Variants in ST18 observed in about 807,000 individuals in gnomAD.
ST18 encodes the protein suppression of tumorigenicity 18 protein.
A neutral mutation model predicts 110.0 loss-of-function variants in ST18; 50 were observed. The observed-to-expected ratio is 0.45, with a 90% CI of 0.36 to 0.58. The LOEUF is 0.58. Ranked by LOEUF, ST18 falls within the 20% of genes least tolerant of loss-of-function variation. The pLI, the probability that ST18 is intolerant of heterozygous loss-of-function variation, is 0.00. For synonymous variants in ST18, 461 were observed against 452.4 expected (o/e 1.02, Z -0.24); for missense variants, 1,306 against 1,280.1 (o/e 1.02, Z -0.31).
At chr8:52,217,288 T>C (rs560123018) in intron 6 of ST18, among the ~76,000 whole-genome samples, 2 of 152,236 alleles carry the variant, frequency 1.3e-5, no homozygotes, top group East Asian at 3.9e-4. Context: ...CTAAAATGGG[T>C]TCCTCCTGGC....
At chr8:52,209,788 AAT>A (rs55960327) in intron 8 of ST18, among the ~76,000 whole-genome samples, 7,314 of 105,482 alleles carry the variant, frequency 0.069, 454 homozygotes, top group East Asian at 0.098. Context: ...AAAAAAAAAA[AAT>A]ATATATATAT....
intron 8 of ST18, among the ~76,000 whole-genome samples, chr8:52,211,380 T>A (rs1241623786): frequency 3.7e-5 from 3 of 80,802 alleles, no homozygotes; most frequent in African/African-American, 1.5e-4. Flanking sequence ...ATCATCTAAT[T>A]ATTATTATTA....
At chr8:52,276,767 CTTTT>C (rs112922704) in intron 2 of ST18, among the ~76,000 whole-genome samples, 1 of 140,704 alleles carries the variant, frequency 7.1e-6, no homozygotes. Context: ...CCTATAAAAT[CTTTT>C]TTTTTTTTTT....
At chr8:52,186,431 G>T (rs567529307) in intron 8 of ST18, among the ~76,000 whole-genome samples, 138 of 152,278 alleles carry the variant, frequency 9.1e-4, no homozygotes, top group Non-Finnish European at 1.7e-3. Flanking sequence ...TGTCGGTGAG[G>T]ATCTCAGGCA....
intron 2 of ST18, among the ~76,000 whole-genome samples, chr8:52,377,056 C>T (rs1166217233): frequency 3.9e-5 from 6 of 152,156 alleles, no homozygotes; most frequent in Admixed American, 1.3e-4. Flanking sequence ...ATGCCACATA[C>T]ACTCAAAGGT....
chr8:52,301,377 G>A (rs2095718852), intron 2 of ST18, among the ~76,000 whole-genome samples: 1 of 152,118 alleles, frequency 6.6e-6, no homozygotes, highest in Non-Finnish European at 1.5e-5. Flanking sequence ...CTATAAACAA[G>A]TACTATCTTC....
chr8:52,242,034 T>G (rs1371399245), intron 2 of ST18, among the ~76,000 whole-genome samples: 1 of 152,218 alleles, frequency 6.6e-6, no homozygotes, highest in Non-Finnish European at 1.5e-5. Flanking sequence ...GTTTCTCTTC[T>G]AAGTGATTTT....
intron 8 of ST18, among the ~76,000 whole-genome samples, chr8:52,193,788 G>C (rs2075325657): frequency 1.3e-5 from 2 of 152,188 alleles, no homozygotes; most frequent in African/African-American, 2.4e-5. Context: ...TGCTCATTCT[G>C]TAAGGATAAT....
At chr8:52,344,952 A>G (rs1346276440) in intron 2 of ST18, among the ~76,000 whole-genome samples, 4 of 152,114 alleles carry the variant, frequency 2.6e-5, no homozygotes, top group Non-Finnish European at 5.9e-5. Context: ...CCATTGTATA[A>G]AGAAGAAACC....
At chr8:52,286,992 A>G (rs1006664825) in intron 2 of ST18, among the ~76,000 whole-genome samples, 1 of 152,010 alleles carries the variant, frequency 6.6e-6, no homozygotes, top group South Asian at 2.1e-4. Flanking sequence ...TAAAGAAAAT[A>G]AAAAAAACTG....
intron 2 of ST18, among the ~76,000 whole-genome samples, chr8:52,307,691 T>A (rs1489076671): frequency 2.0e-5 from 3 of 152,228 alleles, no homozygotes; most frequent in Non-Finnish European, 4.4e-5. Flanking sequence ...TATGTATGAA[T>A]GTGTACATGA....
chr8:52,361,836 C>T (rs1380761744), intron 2 of ST18, among the ~76,000 whole-genome samples: 3 of 152,068 alleles, frequency 2.0e-5, no homozygotes, highest in Admixed American at 1.3e-4. Context: ...GTGATCATTT[C>T]AACTGATTAG....
At position 52,169,653 on chromosome 8, in the gene ST18, T is replaced by A. The variant is rs181116331; in HGVS notation, c.1069+2139A>T. ...CATTGACTTAACAGCATGGAGTGCATGTCAGAGAGAAAAAACATCCTTCTT... is the reference window on the plus strand; with the variant it reads ...CATTGACTTAACAGCATGGAGTGCAAGTCAGAGAGAAAAAACATCCTTCTT... On this transcript the variant is annotated intron_variant, in intron 10 of 25. Transcript: ENST00000689386. Among the ~76,000 whole-genome samples, 256 of 152,304 alleles carry A rather than the reference T, an allele frequency of 1.7e-3. 1 individual carries two copies. The highest frequency in any genetic ancestry group is 1.4e-3 in the East Asian group (7 of 5,178).
chr8:52,237,930 GTT>G (rs200927484), intron 2 of ST18, among the ~76,000 whole-genome samples: 40 of 151,936 alleles, frequency 2.6e-4, no homozygotes, highest in African/African-American at 9.4e-4. Flanking sequence ...CTACAAAGAA[GTT>G]ATACAAATGA....
At chr8:52,387,540 T>A (rs1837315006) in intron 2 of ST18, among the ~76,000 whole-genome samples, 1 of 152,160 alleles carries the variant, frequency 6.6e-6, no homozygotes, top group East Asian at 1.9e-4. Flanking sequence ...AGTGCTGTTT[T>A]TTATAGGTCA....
At chr8:52,405,305 A>G (rs1479021650) in intron 2 of ST18, 2 of 152,242 alleles carry the variant, frequency 1.3e-5, no homozygotes, top group East Asian at 3.8e-4. Flanking sequence ...TATCAAAATA[A>G]GTCCATTCTG....
intron 23 of ST18, among the ~76,000 whole-genome samples, chr8:52,119,271 T>C (rs1018693291): frequency 6.6e-6 from 1 of 152,206 alleles, no homozygotes; most frequent in Non-Finnish European, 1.5e-5. Context: ...ATGATTACTT[T>C]GTAGAAGGAG....
chr8:52,269,069 A>C (rs2138848814), intron 2 of ST18, among the ~76,000 whole-genome samples: 1 of 152,338 alleles, frequency 6.6e-6, no homozygotes. Flanking sequence ...GCTGTAACTT[A>C]ATCTAGGAAA....
intron 2 of ST18, among the ~76,000 whole-genome samples, chr8:52,340,633 A>T (rs1016596265): frequency 5.9e-5 from 9 of 152,232 alleles, no homozygotes; most frequent in Admixed American, 2.6e-4. Context: ...CAAATAAAAA[A>T]TAAAAATTTC....
Sources: allele counts gnomAD v4.1 joint callset (sites outside exome capture counted in the v4.1 genomes callset), GRCh38; gene constraint gnomAD v4.1.1; transcripts MANE v1.5; gene names NCBI Gene and HGNC (gene_info 2026-07-23, HGNC 2026-07-21).